Variants in CEP68 observed in about 807,000 individuals in gnomAD.
CEP68 encodes centrosomal protein 68, also known as centrosomal protein of 68 kDa.
A neutral mutation model predicts 55.3 loss-of-function variants in CEP68; 26 were observed. The ratio of observed to expected loss-of-function variants is 0.47; its 90% CI spans 0.34 to 0.65. The LOEUF (loss-of-function observed/expected upper bound fraction) is 0.65, where lower values mean the gene tolerates loss of function less well. CEP68 is among the 30% of genes least tolerant of loss of function. The probability of loss-of-function intolerance (pLI) is 0.01; values close to 1 mark genes in which losing one functional copy is unlikely to be tolerated. For missense variants in CEP68, 957 were observed against 946.7 expected (o/e 1.01, Z -0.14); for synonymous variants, 402 against 383.2 (o/e 1.05, Z -0.57).
intron 1 of CEP68, among the ~76,000 whole-genome samples, chr2:65,060,434 C>G (rs1440444366): frequency 6.6e-6 from 1 of 151,794 alleles, no homozygotes; most frequent in African/African-American, 2.4e-5. Flanking sequence ...GATGACCTCA[C>G]AAAAAAGTGT....
intron 1 of CEP68, among the ~76,000 whole-genome samples, chr2:65,066,286 T>C (rs900590550): frequency 6.6e-6 from 1 of 152,196 alleles, no homozygotes; most frequent in Non-Finnish European, 1.5e-5. Flanking sequence ...GGGTTTCTTA[T>C]CAATGATATA....
chr2:65,071,092 C>G (rs1012912875), intron 2 of CEP68: 2 of 266,738 alleles, frequency 7.5e-6, no homozygotes, highest in African/African-American at 4.5e-5. Flanking sequence ...CTGTTAGCGA[C>G]AGAGTGATTG....
chr2:65,068,510 C>G (rs575644765), intron 1 of CEP68, among the ~76,000 whole-genome samples: 2 of 152,332 alleles, frequency 1.3e-5, no homozygotes, highest in African/African-American at 4.8e-5. Context: ...TGCAGCATAA[C>G]CCAGGCCAGC....
At chr2:65,068,823 G>A (rs1171417297) in intron 1 of CEP68, among the ~76,000 whole-genome samples, 2 of 151,190 alleles carry the variant, frequency 1.3e-5, no homozygotes, top group African/African-American at 4.9e-5. Context: ...GTAAGACCCT[G>A]TCTCAGAAAA....
intron 1 of CEP68, among the ~76,000 whole-genome samples, chr2:65,067,981 C>T (rs991913283): frequency 6.6e-5 from 10 of 152,268 alleles, no homozygotes; most frequent in East Asian, 3.9e-4. Context: ...TATTTCCCAG[C>T]GTGTGAGCTG....
intron 1 of CEP68, among the ~76,000 whole-genome samples, chr2:65,056,981 T>TC (rs1475727352): frequency 6.6e-5 from 10 of 152,200 alleles, no homozygotes; most frequent in Non-Finnish European, 8.8e-5. Context: ...CTCGGGCCTT[T>TC]CCCCCTGGAA....
intron 1 of CEP68, among the ~76,000 whole-genome samples, chr2:65,060,213 C>T (rs900360971): frequency 7.0e-6 from 1 of 143,488 alleles, no homozygotes; most frequent in Admixed American, 7.0e-5. Context: ...TTTGTAGCAG[C>T]CAAAGCAAAG....
At chr2:65,058,499 T>G (rs1056227888) in intron 1 of CEP68, among the ~76,000 whole-genome samples, 2 of 70,386 alleles carry the variant, frequency 2.8e-5, no homozygotes, top group African/African-American at 1.4e-4. Context: ...TTTTTTTCCT[T>G]TTTTTTTTTT....
chr2:65,086,890 A>G lies in CEP68; in HGVS notation c.*3256A>G, dbSNP rs1669044057. The stretch of plus-strand genomic sequence containing the variant: ...CTATGATTTTTATTGTGAAATTTTC[A>G]TAGATGGAAAATTGAATATTCTGTC... On this transcript the variant is annotated 3_prime_UTR_variant, in exon 7 of 7. Coordinates refer to ENST00000377990, the MANE Select transcript of CEP68 (RefSeq NM_015147.3). 1 of 152,768 alleles carries G rather than the reference A, an allele frequency of 6.5e-6. No individual in the cohort carries two copies. Among genetic ancestry groups the G allele is most frequent in the Non-Finnish European group, 1.5e-5 (1 of 68,020 alleles). The allele number at this position is 152,768 out of a possible 1,614,324, so 9.5% of individuals were successfully genotyped here. A position where few individuals can be genotyped will look rare whatever the true frequency, so the allele number is the denominator to read the frequency against.
At chr2:65,081,571 AAAAAG>A (rs1288085715) in intron 5 of CEP68, among the ~76,000 whole-genome samples, 1 of 152,256 alleles carries the variant, frequency 6.6e-6, no homozygotes, top group Non-Finnish European at 1.5e-5. Flanking sequence ...AAATTTTTGA[AAAAAG>A]AAAGAAAAAA....
intron 3 of CEP68, 84 bp from the exon 4 acceptor site, chr2:65,074,198 G>A: frequency 6.5e-7 from 1 of 1,529,342 alleles, no homozygotes; most frequent in Non-Finnish European, 8.9e-7. Flanking sequence ...CTGTCTCCAA[G>A]TCCTCCTGAT....
rs1676482469 is a variant in CEP68 at position 65,071,880 on chromosome 2, C to G, written c.784C>G (p.Leu262Val). ...GTTCTCTGGGGGTGATGCTTCTGGG[C>G]TAGGCAGGAGACGCCTCTCCTTCCA... Reference protein sequence around the residue: ...PVFSGGDASGLGRRRLSFQAE... With the variant: ...PVFSGGDASGVGRRRLSFQAE... Residue 262 changes from leucine to valine, a missense_variant, in exon 3 of 7, where the codon CTA becomes GTA. Physicochemically the swap from Leu to Val is conservative, Grantham distance 32. Coordinates refer to ENST00000377990, the MANE Select transcript of CEP68 (RefSeq NM_015147.3). 1 of 1,610,832 alleles carries G rather than the reference C, an allele frequency of 6.2e-7. No homozygotes were observed. Among genetic ancestry groups the G allele is most frequent in the East Asian group, 2.2e-5 (1 of 44,868 alleles).
In CEP68 at chr2:65,077,259, G is replaced by C. The variant is rs193024728; in HGVS notation, c.2008-609G>C. On this transcript the variant is annotated intron_variant, in intron 4 of 6. Transcript: ENST00000377990. ...GTGATCCGCCCACCTTGGCCTCCCA[G>C]AGTGCTGGGATTACAGGTGTGAGCC... Among the ~76,000 whole-genome samples the C allele has an allele frequency of 6.4e-3, 979 of 152,204 alleles. 3 individuals carry two copies. Among genetic ancestry groups the C allele is most frequent in the Non-Finnish European group, 1.0e-2 (677 of 67,988 alleles).
In CEP68 at chr2:65,074,712, G is replaced by C. The variant is rs1003659260; in HGVS notation, c.2007+308G>C. Reference sequence around the variant, plus strand: ...CCCAGCTACTCTGGAAGCTGAGACAGGAAGATTGCTTGAGCCCAGGAGTTC... The same window carrying C: ...CCCAGCTACTCTGGAAGCTGAGACACGAAGATTGCTTGAGCCCAGGAGTTC... On this transcript the variant is annotated intron_variant, in intron 4 of 6. Coordinates refer to ENST00000377990, the MANE Select transcript of CEP68 (RefSeq NM_015147.3). The C allele has an allele frequency of 3.0e-5, 11 of 368,282 alleles. No individual in the cohort carries two copies. The Admixed American group carries it at 4.2e-4, about 14-fold the overall frequency. 22.8% of individuals were successfully genotyped at this position (368,282 alleles called of 1,614,324 possible). A position where few individuals can be genotyped will look rare whatever the true frequency, so the allele number is the denominator to read the frequency against.
rs370541331 is a variant in CEP68 at position 65,072,724 on chromosome 2, C to T, written c.1628C>T (p.Ala543Val). 281 of 1,614,156 alleles carry T rather than the reference C, an allele frequency of 1.7e-4. 2 individuals carry two copies. In the South Asian group the frequency reaches 2.9e-3, roughly 17 times the overall value. ...AGCCAAAGCCAGCTTCCCCCTGGAG[C>T]TGCCCTCCAAGGATCTGGGGATCCT... ...SSSQSQLPPGAALQGSGDPEG... is the reference protein window; with the variant it reads ...SSSQSQLPPGVALQGSGDPEG... The change falls in exon 3 of 7, where the codon GCT (alanine) becomes GTT (valine). Residue 543 changes from alanine to valine, a missense_variant. Physicochemically the swap from Ala to Val is moderately conservative, Grantham distance 64. Transcript: ENST00000377990.
intron 4 of CEP68, among the ~76,000 whole-genome samples, chr2:65,076,636 G>A (rs1428408023): frequency 1.1e-5 from 1 of 88,754 alleles, no homozygotes; most frequent in Non-Finnish European, 2.6e-5. Flanking sequence ...CTTGTATTTT[G>A]TCTTAACACG....
Position 65,072,908 on chromosome 2 carries a change from CCCAGAT to C in CEP68, c.1813_1818del (p.Pro605_Asp606del). 1.2e-6 allele frequency: 2 copies of C among 1,614,116 alleles called. No homozygotes were observed. The highest frequency in any genetic ancestry group is 1.7e-6 in the Non-Finnish European group (2 of 1,180,032). ...GGTTGGACCGGTGGCCATTCTCAGA[CCCAGAT>C]GTTGAAGGGCAGCTTCCCAGGAAAG... is the stretch of plus-strand genomic sequence containing the variant. On this transcript the variant is annotated inframe_deletion, in exon 3 of 7. Coordinates refer to ENST00000377990, the MANE Select transcript of CEP68 (RefSeq NM_015147.3).
In CEP68 at chr2:65,072,187, C is replaced by T. The variant is rs1276657961; in HGVS notation, c.1091C>T (p.Ala364Val). 6.2e-7 allele frequency: 1 copy of T among 1,613,998 alleles called. No individual in the cohort carries two copies. The highest frequency in any genetic ancestry group is 8.5e-7 in the Non-Finnish European group (1 of 1,180,030). ...AACTGCCCACCAGCAGAGGCCACTGCCCTGCCATTTTCTGGGCCCAGAGAG... is the reference window on the plus strand; with the variant it reads ...AACTGCCCACCAGCAGAGGCCACTGTCCTGCCATTTTCTGGGCCCAGAGAG... ...SPNCPPAEAT[A>V]LPFSGPREPS... The change falls in exon 3 of 7, where the codon GCC becomes GTC. Residue 364 changes from alanine (A) to valine (V), a missense_variant. Coordinates refer to ENST00000377990, the MANE Select transcript of CEP68 (RefSeq NM_015147.3).
intron 1 of CEP68, among the ~76,000 whole-genome samples, chr2:65,069,063 C>T (rs1249723032): frequency 5.3e-5 from 8 of 152,150 alleles, no homozygotes; most frequent in African/African-American, 1.7e-4. Context: ...GCCTCTTACC[C>T]AGTGGGGTTG....
Sources: gnomAD v4.1 joint callset for allele counts (sites outside exome capture counted in the v4.1 genomes callset) on GRCh38, gnomAD v4.1.1 for gene constraint, MANE v1.5 for transcripts, NCBI Gene and HGNC (gene_info 2026-07-23, HGNC 2026-07-21) for gene names.